The following PHLPP2 variants were observed in gnomAD, a reference collection of about 807,000 sequenced individuals.
PHLPP2 encodes PH domain and leucine rich repeat protein phosphatase 2.
A neutral mutation model predicts 124.9 loss-of-function variants in PHLPP2; 66 were observed. That is an observed-to-expected ratio of 0.53 (90% CI 0.43 to 0.65). The LOEUF is 0.65. PHLPP2 is among the 30% of genes least tolerant of loss of function. The probability of loss-of-function intolerance (pLI) is 0.00; values close to 1 mark genes in which losing one functional copy is unlikely to be tolerated. For missense variants in PHLPP2, 1,685 were observed against 1,600.4 expected, an observed-to-expected ratio of 1.05 and a Z score of -0.90; for synonymous variants, 681 against 624.7, an observed-to-expected ratio of 1.09 and a Z score of -1.34.
chr16:71,696,370 C>G (rs2045170803), intron 3 of PHLPP2, among the ~76,000 whole-genome samples: 1 of 152,174 alleles, frequency 6.6e-6, no homozygotes, highest in Non-Finnish European at 1.5e-5. Flanking sequence ...GGCGCAGTGG[C>G]TCACGCCTGC....
intron 1 of PHLPP2, among the ~76,000 whole-genome samples, chr16:71,721,061 CG>C (rs2045395339): frequency 6.6e-6 from 1 of 151,536 alleles, no homozygotes; most frequent in Non-Finnish European, 1.5e-5. Context: ...GGGCTGGGTG[CG>C]GTGGCTCATG....
intron 5 of PHLPP2, among the ~76,000 whole-genome samples, chr16:71,682,558 C>A (rs1042228960): frequency 6.6e-6 from 1 of 152,118 alleles, no homozygotes; most frequent in Non-Finnish European, 1.5e-5. Context: ...AAAGACATGG[C>A]CTTCTGTAGC....
intron 13 of PHLPP2, 59 bp from the exon 14 acceptor site, chr16:71,658,874 T>C: frequency 1.3e-5 from 20 of 1,519,308 alleles, no homozygotes; most frequent in Non-Finnish European, 1.8e-5. Context: ...GCCAAGGAAG[T>C]GCTATTCTAC....
At chr16:71,715,092 C>A in intron 1 of PHLPP2, 1 of 374,298 alleles carries the variant, frequency 2.7e-6, no homozygotes, top group Non-Finnish European at 4.9e-6. Context: ...TGGCTCAGGC[C>A]TGTAATCCCA....
At chr16:71,684,455 G>C in intron 5 of PHLPP2, 21 bp downstream of exon 5, 1 of 1,613,036 alleles carries the variant, frequency 6.2e-7, no homozygotes, top group Non-Finnish European at 8.5e-7. Flanking sequence ...CTCCACATCA[G>C]AACATCCCAT....
At chr16:71,694,013 C>A (rs969354692) in intron 3 of PHLPP2, among the ~76,000 whole-genome samples, 2 of 152,026 alleles carry the variant, frequency 1.3e-5, no homozygotes, top group African/African-American at 2.4e-5. Context: ...GCCAACATGG[C>A]AAAATCCCCA....
At chr16:71,682,135 G>GT (rs1178839032) in intron 5 of PHLPP2, among the ~76,000 whole-genome samples, 2 of 150,352 alleles carry the variant, frequency 1.3e-5, no homozygotes, top group South Asian at 2.1e-4. Flanking sequence ...TAAGTACAAG[G>GT]TTAAAAAAAA....
intron 1 of PHLPP2, chr16:71,723,729 TCGCC>T: frequency 9.8e-7 from 1 of 1,016,012 alleles, no homozygotes; most frequent in Admixed American, 2.8e-5. Flanking sequence ...GCTTGCCCGC[TCGCC>T]CGCTCGCTCG....
At chr16:71,680,148 A>G (rs1271377769) in intron 6 of PHLPP2, among the ~76,000 whole-genome samples, 1 of 152,108 alleles carries the variant, frequency 6.6e-6, no homozygotes, top group Non-Finnish European at 1.5e-5. Flanking sequence ...ATTCTTTTGT[A>G]TTTCTTCATA....
At chr16:71,701,370 G>A (rs2045232175) in intron 3 of PHLPP2, among the ~76,000 whole-genome samples, 1 of 151,460 alleles carries the variant, frequency 6.6e-6, no homozygotes, top group Non-Finnish European at 1.5e-5. Flanking sequence ...TTGGTACCAG[G>A]TACATTATTA....
At chr16:71,723,926 G>A in intron 1 of PHLPP2, 3 of 669,910 alleles carry the variant, frequency 4.5e-6, no homozygotes, top group Non-Finnish European at 5.7e-6. Context: ...GAGCCTCGGC[G>A]GCGCGCGCGA....
intron 12 of PHLPP2, among the ~76,000 whole-genome samples, chr16:71,666,352 C>T (rs895258002): frequency 7.2e-5 from 11 of 152,080 alleles, no homozygotes; most frequent in Non-Finnish European, 1.3e-4. Flanking sequence ...TGTGTCTCTA[C>T]AAAAAATAAA....
In PHLPP2 at chr16:71,646,726, A is replaced by C. The variant is rs887016318; in HGVS notation, c.*2164T>G. 6.6e-6 allele frequency: 1 copy of C among 152,170 alleles called. No individual in the cohort carries two copies. Among genetic ancestry groups the C allele is most frequent in the Non-Finnish European group, 1.5e-5 (1 of 68,028 alleles). 9.4% of individuals were successfully genotyped at this position (152,170 alleles called of 1,614,324 possible). A position where few individuals can be genotyped will look rare whatever the true frequency, so the allele number is the denominator to read the frequency against. On this transcript the variant is annotated 3_prime_UTR_variant, in exon 19 of 19. Transcript: ENST00000568954. ...CATTAAAAAAAATTTCCCATATAAA[A>C]ATAAGGTGGCAAAACACTCTTGTTC...
At chr16:71,699,729 C>T (rs2045209496) in intron 3 of PHLPP2, among the ~76,000 whole-genome samples, 1 of 152,160 alleles carries the variant, frequency 6.6e-6, no homozygotes, top group Admixed American at 6.5e-5. Flanking sequence ...GACCACTGAC[C>T]TGGTAACACA....
intron 7 of PHLPP2, 47 bp from the exon 8 acceptor site, chr16:71,679,032 G>T: frequency 9.8e-7 from 1 of 1,021,254 alleles, no homozygotes; most frequent in Non-Finnish European, 1.5e-6. Context: ...AGGTTTCACT[G>T]GAATGCACAG....
chr16:71,682,314 C>T (rs2045008619), intron 5 of PHLPP2, among the ~76,000 whole-genome samples: 1 of 149,972 alleles, frequency 6.7e-6, no homozygotes, highest in South Asian at 2.1e-4. Flanking sequence ...GTCTCCTGGG[C>T]TCAAGCAATT....
intron 13 of PHLPP2, among the ~76,000 whole-genome samples, chr16:71,662,550 G>A (rs1334393827): frequency 2.6e-5 from 4 of 152,080 alleles, no homozygotes; most frequent in African/African-American, 9.7e-5. Context: ...TATGTCTTCT[G>A]AAGCTCTATC....
chr16:71,700,102 T>A (rs1048207160), intron 3 of PHLPP2, among the ~76,000 whole-genome samples: 7 of 152,292 alleles, frequency 4.6e-5, no homozygotes, highest in African/African-American at 1.4e-4. Flanking sequence ...TGCATCAGTT[T>A]TATTATAGAT....
intron 4 of PHLPP2, among the ~76,000 whole-genome samples, chr16:71,689,890 G>A (rs1297872730): frequency 6.6e-6 from 1 of 152,152 alleles, no homozygotes; most frequent in Non-Finnish European, 1.5e-5. Context: ...GATCCAAAGT[G>A]TGAATTCATG....
Sources: gnomAD v4.1 joint callset for allele counts (sites outside exome capture counted in the v4.1 genomes callset) on GRCh38, gnomAD v4.1.1 for gene constraint, MANE v1.5 for transcripts, NCBI Gene and HGNC (gene_info 2026-07-23, HGNC 2026-07-21) for gene names.